The following PRRC2B variants were observed in gnomAD, a reference collection of about 807,000 sequenced individuals.
PRRC2B encodes the protein protein PRRC2B.
Under a neutral mutation model 242.3 loss-of-function variants are expected in PRRC2B, and 68 were observed. That is an observed-to-expected ratio of 0.28 (90% CI 0.23 to 0.34). PRRC2B has a LOEUF of 0.34. Ranked by LOEUF, PRRC2B falls within the 10% of genes least tolerant of loss-of-function variation. The pLI, the probability that PRRC2B is intolerant of heterozygous loss-of-function variation, is 1.00. For missense variants in PRRC2B, 2,835 were observed against 2,954.8 expected (o/e 0.96, Z 0.94); for synonymous variants, 1,228 against 1,173.6 (o/e 1.05, Z -0.95).
intron 13 of PRRC2B, among the ~76,000 whole-genome samples, chr9:131,469,441 C>G (rs758272351): frequency 6.6e-6 from 1 of 152,276 alleles, no homozygotes; most frequent in South Asian, 2.1e-4. Flanking sequence ...GGAGGTGGAG[C>G]TGGGAGATGG....
At chr9:131,423,238 A>T (rs1337912572) in intron 1 of PRRC2B, among the ~76,000 whole-genome samples, 4 of 152,162 alleles carry the variant, frequency 2.6e-5, no homozygotes, top group Non-Finnish European at 4.4e-5. Context: ...AGTCCCACAG[A>T]CCTAGGGGTG....
intron 1 of PRRC2B, among the ~76,000 whole-genome samples, chr9:131,420,453 T>TC (rs1837776424): frequency 1.5e-3 from 91 of 61,054 alleles, no homozygotes; most frequent in African/African-American, 4.6e-3. Flanking sequence ...TTCTTTTTCT[T>TC]TTTCTTTCTT....
rs1200914728 is a variant in PRRC2B, at chr9:131,448,903, AAG to A, written c.1120+1102_1120+1103del. ...TATCACACACATCCATATCCAGAGA[AAG>A]AGGGAACATTTCCCTCACCACCGCA... On this transcript the variant is annotated intron_variant, in intron 9 of 31. Coordinates refer to ENST00000683519, the MANE Select transcript of PRRC2B (RefSeq NM_013318.4). Among the ~76,000 whole-genome samples the A allele has an allele frequency of 2.6e-5, 4 of 152,156 alleles. No homozygotes were observed. The East Asian group carries it at 7.7e-4, about 29-fold the overall frequency.
chr9:131,374,310 C>T (rs1016039974), intron 1 of PRRC2B, among the ~76,000 whole-genome samples: 1 of 151,834 alleles, frequency 6.6e-6, no homozygotes, highest in African/African-American at 2.4e-5. Flanking sequence ...GACTCTGTCT[C>T]AAAATAAATA....
intron 1 of PRRC2B, among the ~76,000 whole-genome samples, chr9:131,402,356 T>G (rs1486427564): frequency 6.6e-6 from 1 of 152,210 alleles, no homozygotes; most frequent in East Asian, 1.9e-4. Context: ...GTATTTGTCA[T>G]TTTGTGTCTG....
chr9:131,479,132 C>T (rs1269315733), intron 18 of PRRC2B, 120 bp from the exon 19 acceptor site: 3 of 1,029,018 alleles, frequency 2.9e-6, no homozygotes, highest in African/African-American at 1.6e-5. Flanking sequence ...ACGAGCGTTC[C>T]ACACATCTCT....
chr9:131,477,821 G>A lies in PRRC2B; in HGVS notation c.4484G>A (p.Arg1495Gln), dbSNP rs370475935. 113 of 1,613,210 alleles carry A rather than the reference G, an allele frequency of 7.0e-5. No individual in the cohort carries two copies. The highest frequency in any genetic ancestry group is 2.9e-4 in the South Asian group (26 of 91,040). The change falls in exon 17 of 32, where the codon CGG (arginine) becomes CAG (glutamine). Residue 1495 changes from arginine to glutamine, a missense_variant. Arg to Gln is a conservative substitution (Grantham distance 43, BLOSUM62 1). Around this residue, in one of 7 missense-constraint regions of PRRC2B, gnomAD observed 1,536 missense variants for 1,483.1 expected, o/e 1.04. Transcript: ENST00000683519. ...GSGHSPYALE[R>Q]AAHASADLPE... ...GGCCACTCCCCCTATGCCCTGGAGC[G>A]GGCAGCCCATGCCAGTGCTGACCTT...
chr9:131,475,175 G>C lies in PRRC2B; in HGVS notation c.3046G>C (p.Glu1016Gln). The C allele has an allele frequency of 6.2e-7, 1 of 1,613,448 alleles. No homozygotes were observed. Among genetic ancestry groups the C allele is most frequent in the Non-Finnish European group, 8.5e-7 (1 of 1,179,736 alleles). The part of the protein sequence containing the change: ...KGPGHATFGR[E>Q]ATKFEEEEKP... ...CCCTGGCCATGCCACTTTTGGCCGC[G>C]AGGCCACCAAATTTGAAGAGGAGGA... The change falls in exon 16 of 32, where the codon GAG becomes CAG. Residue 1016 changes from glutamate to glutamine, a missense_variant. Physicochemically the swap from Glu to Gln is conservative, Grantham distance 29. This residue lies in a region of PRRC2B where 1,536 missense variants were observed against 1,483.1 expected (regional missense o/e 1.04). Coordinates refer to ENST00000683519, the MANE Select transcript of PRRC2B (RefSeq NM_013318.4).
At chr9:131,427,874 TC>T (rs1838016150) in intron 1 of PRRC2B, among the ~76,000 whole-genome samples, 1 of 152,346 alleles carries the variant, frequency 6.6e-6, no homozygotes, top group East Asian at 1.9e-4. Context: ...AGCTTTGTTT[TC>T]CAGTGAGAAG....
At position 131,474,566 on chromosome 9, in the gene PRRC2B, C is replaced by A. The variant is rs1386862024; in HGVS notation, c.2437C>A (p.Gln813Lys). 1 of 1,613,940 alleles carries A rather than the reference C, an allele frequency of 6.2e-7. No individual in the cohort carries two copies. The highest frequency in any genetic ancestry group is 1.1e-5 in the South Asian group (1 of 91,086). Residue 813 changes from glutamine (Q) to lysine (K), a missense_variant, in exon 16 of 32, where the codon CAA becomes AAA. This residue lies in a region of PRRC2B where 1,536 missense variants were observed against 1,483.1 expected (regional missense o/e 1.04). Coordinates refer to ENST00000683519, the MANE Select transcript of PRRC2B (RefSeq NM_013318.4). ...EYLSAFDKKA[Q>K]ADFDSCISSQ... Reference sequence around the variant, plus strand: ...CTTGAGTGCTTTTGACAAGAAGGCCCAAGCAGACTTTGACAGCTGTATCTC... The same window carrying A: ...CTTGAGTGCTTTTGACAAGAAGGCCAAAGCAGACTTTGACAGCTGTATCTC...
chr9:131,476,605 TGCATGC>T (rs1437041282), intron 16 of PRRC2B, 70 bp downstream of exon 16: 88 of 1,380,610 alleles, frequency 6.4e-5, no homozygotes, highest in Admixed American at 1.7e-4. Flanking sequence ...AGTTCACGCA[TGCATGC>T]CGATGCCGCC....
intron 1 of PRRC2B, among the ~76,000 whole-genome samples, chr9:131,406,101 CGG>C (rs151032636): frequency 1.3e-5 from 2 of 152,040 alleles, no homozygotes; most frequent in African/African-American, 4.8e-5. Context: ...CCCGGGGGCC[CGG>C]GGGTTTGGAG....
rs1564305369 is a variant in PRRC2B, at chr9:131,496,469, TAAG to T, written c.*598_*600del. The T allele has an allele frequency of 6.6e-6, 1 of 152,258 alleles. No individual in the cohort carries two copies. Among genetic ancestry groups the T allele is most frequent in the East Asian group, 1.9e-4 (1 of 5,196 alleles). The allele number at this position is 152,258 out of a possible 1,614,324, so 9.4% of individuals were successfully genotyped here. ...CTGCAGTACCTTAAGAGGTGACTCTTAAGAATGCATCCCCTCCTGATTCCTCAG... is the reference window on the plus strand; with the variant it reads ...CTGCAGTACCTTAAGAGGTGACTCTTAATGCATCCCCTCCTGATTCCTCAG... On this transcript the variant is annotated 3_prime_UTR_variant, in exon 32 of 32. Transcript: ENST00000683519.
intron 1 of PRRC2B, among the ~76,000 whole-genome samples, chr9:131,414,480 G>T (rs534357914): frequency 3.4e-5 from 5 of 147,038 alleles, no homozygotes. Context: ...GGAAATGGTA[G>T]ATAATCCATC....
At chr9:131,394,822 T>C (rs992005322) in intron 1 of PRRC2B, among the ~76,000 whole-genome samples, 3 of 148,936 alleles carry the variant, frequency 2.0e-5, no homozygotes, top group African/African-American at 7.5e-5. Flanking sequence ...AGTTGGCGGC[T>C]GGGGGAGGGA....
intron 1 of PRRC2B, among the ~76,000 whole-genome samples, chr9:131,420,499 T>TCTTTCTTTCTTTCTTTCTTTC (rs889470295): frequency 4.4e-4 from 37 of 84,482 alleles, no homozygotes; most frequent in East Asian, 5.9e-4. Flanking sequence ...CTTTCTTTTT[T>TCTTTCTTTCTTTCTTTCTTTC]TTTTTTTTTT....
At chr9:131,377,360 G>A (rs1836700415) in intron 1 of PRRC2B, among the ~76,000 whole-genome samples, 3 of 152,162 alleles carry the variant, frequency 2.0e-5, no homozygotes, top group Admixed American at 6.5e-5. Flanking sequence ...TGATCCGCGC[G>A]CCTCAGCCTC....
intron 4 of PRRC2B, among the ~76,000 whole-genome samples, chr9:131,438,131 G>GT (rs1838435410): frequency 6.6e-6 from 1 of 152,216 alleles, no homozygotes. Context: ...ACATCTACCA[G>GT]TAAGTGGGGA....
upstream of PRRC2B, among the ~76,000 whole-genome samples, chr9:131,392,680 A>T (rs1836921703): frequency 6.6e-6 from 1 of 152,188 alleles, no homozygotes; most frequent in African/African-American, 2.4e-5. Context: ...TGGGAGGCCA[A>T]GGTAGGTGGA....
Sources: gnomAD v4.1 joint callset for allele counts (sites outside exome capture counted in the v4.1 genomes callset) on GRCh38, gnomAD v4.1.1 for gene constraint, gnomAD v4.1.1 regional missense constraint, MANE v1.5 for transcripts, NCBI Gene and HGNC (gene_info 2026-07-23, HGNC 2026-07-21) for gene names.